The following RASGRP1 variants were observed in gnomAD, a reference collection of about 807,000 sequenced individuals.
RASGRP1 encodes the protein RAS guanyl releasing protein 1.
RASGRP1 carries 37 observed loss-of-function variants against 95.1 expected under a neutral mutation model. That is an observed-to-expected ratio of 0.39 (90% confidence interval 0.30 to 0.51). The LOEUF (loss-of-function observed/expected upper bound fraction) is 0.51. RASGRP1 is among the 20% of genes least tolerant of loss of function. The pLI is 0.80. For synonymous variants in RASGRP1, 325 were observed against 353.4 expected, an observed-to-expected ratio of 0.92 and a Z score of 0.90; for missense variants, 711 against 965.4, an observed-to-expected ratio of 0.74 and a Z score of 3.49.
chr15:38,518,753 C>T lies in RASGRP1; in HGVS notation c.390-330G>A, dbSNP rs1176990355. On this transcript the variant is annotated intron_variant, in intron 4 of 16. Transcript: ENST00000310803. ...GATAAACCAAATGTCCAAAATGAGACAATCTATTCATAGATTATGCTTTAT... is the reference window on the plus strand; with the variant it reads ...GATAAACCAAATGTCCAAAATGAGATAATCTATTCATAGATTATGCTTTAT... Among the ~76,000 whole-genome samples the T allele has an allele frequency of 1.2e-4, 19 of 152,260 alleles. No homozygotes were observed. The East Asian group carries it at 3.7e-3, about 29-fold the overall frequency.
At position 38,494,419 on chromosome 15, in the gene RASGRP1, C is replaced by T. The variant is rs201585269; in HGVS notation, c.2222G>A (p.Arg741His). The stretch of plus-strand genomic sequence containing the variant: ...TTGGTAGGTAGGCAGTCTGAGGTGA[C>T]GGAGCTCCTCCTTTGATTTTATGAG... ...DSLIKSKEEL[R>H]HLRLPTYQEL... is the part of the protein sequence containing the mutation. The change falls in exon 16 of 17, where the codon CGT (arginine) becomes CAT (histidine). Residue 741 changes from arginine to histidine, a missense_variant. Around this residue, in one of 3 missense-constraint regions of RASGRP1, gnomAD observed 212 missense variants for 247.8 expected, o/e 0.86. Coordinates refer to ENST00000310803, the MANE Select transcript of RASGRP1 (RefSeq NM_005739.4). 74 of 1,613,882 alleles carry T rather than the reference C, an allele frequency of 4.6e-5. No individual in the cohort carries two copies. Among genetic ancestry groups the T allele is most frequent in the Non-Finnish European group, 5.4e-5 (64 of 1,179,836 alleles).
intron 9 of RASGRP1, among the ~76,000 whole-genome samples, chr15:38,506,678 T>C (rs1056596764): frequency 2.0e-5 from 3 of 151,486 alleles, no homozygotes; most frequent in Non-Finnish European, 4.4e-5. Flanking sequence ...TCATGTATCT[T>C]AGAACTATAA....
intron 10 of RASGRP1, 71 bp from the exon 11 acceptor site, chr15:38,503,447 C>T: frequency 8.6e-7 from 1 of 1,157,002 alleles, no homozygotes; most frequent in Non-Finnish European, 1.3e-6. Context: ...CTTTCTTTTC[C>T]CACTACCTGA....
Position 38,517,261 on chromosome 15 carries a change from A to G in RASGRP1, c.522-911T>C, listed in dbSNP as rs1891826351. On this transcript the variant is annotated intron_variant, in intron 5 of 16. Coordinates refer to ENST00000310803, the MANE Select transcript of RASGRP1 (RefSeq NM_005739.4). ...CACAGACTAATAATTCCTACAGAAT[A>G]TAATGTGGAAAATTTTGGTCAAGAA... Among the ~76,000 whole-genome samples, 4 of 152,210 alleles carry G rather than the reference A, an allele frequency of 2.6e-5. No individual in the cohort carries two copies. The South Asian group carries it at 8.3e-4, about 32-fold the overall frequency.
Position 38,503,320 on chromosome 15 carries a change from G to A in RASGRP1, c.1380C>T (p.Pro460=), listed in dbSNP as rs1891112621. 2 of 1,612,950 alleles carry A rather than the reference G, an allele frequency of 1.2e-6. No individual in the cohort carries two copies. Among genetic ancestry groups the A allele is most frequent in the East Asian group, 4.5e-5 (2 of 44,840 alleles). The change falls in exon 11 of 17, where the codon CCC becomes CCT. Residue 460 remains proline, a synonymous_variant. Transcript: ENST00000310803. ...VVVDWASGVS[P]KPDPKTISKH... ...TGCTAATGGTTTTTGGATCAGGTTT[G>A]GGAGACACTCCAGAAGCCCAGTCCA...
intron 6 of RASGRP1, among the ~76,000 whole-genome samples, chr15:38,514,123 G>A (rs892717276): frequency 1.1e-4 from 16 of 152,136 alleles, no homozygotes; most frequent in Admixed American, 1.0e-3. Flanking sequence ...GGAGGTGGGT[G>A]GGTGGGGGGT....
chr15:38,556,416 T>C (rs1008667606), intron 2 of RASGRP1, among the ~76,000 whole-genome samples: 16 of 152,340 alleles, frequency 1.1e-4, no homozygotes, highest in Non-Finnish European at 2.4e-4. Flanking sequence ...TGGGTGGTAA[T>C]TAATGGTTAA....
intron 2 of RASGRP1, among the ~76,000 whole-genome samples, chr15:38,549,728 C>A (rs1161410026): frequency 6.6e-6 from 1 of 151,874 alleles, no homozygotes; most frequent in East Asian, 1.9e-4. Context: ...CACTGGTGTC[C>A]TTCTAAGTAC....
At chr15:38,524,629 C>T (rs1227701583) in intron 3 of RASGRP1, among the ~76,000 whole-genome samples, 1 of 152,158 alleles carries the variant, frequency 6.6e-6, no homozygotes, top group Non-Finnish European at 1.5e-5. Context: ...TGGGGGCCAA[C>T]TTCACACAGT....
chr15:38,558,071 C>A (rs1893641294), intron 2 of RASGRP1, among the ~76,000 whole-genome samples: 1 of 152,050 alleles, frequency 6.6e-6, no homozygotes, highest in Non-Finnish European at 1.5e-5. Context: ...TGTTTCTCGT[C>A]CCTCTTTTTT....
chr15:38,512,513 T>A (rs1215576221), intron 7 of RASGRP1, among the ~76,000 whole-genome samples: 2 of 152,294 alleles, frequency 1.3e-5, no homozygotes, highest in Admixed American at 6.5e-5. Context: ...TAAGCATCTT[T>A]TGAAAAATGT....
chr15:38,564,215 C>A (rs1191880814), intron 1 of RASGRP1, among the ~76,000 whole-genome samples: 5 of 152,228 alleles, frequency 3.3e-5, no homozygotes, highest in South Asian at 4.1e-4. Flanking sequence ...CGGAGCCCAG[C>A]GCCCCAGCAG....
chr15:38,557,102 C>G (rs1893588510), intron 2 of RASGRP1, among the ~76,000 whole-genome samples: 1 of 152,204 alleles, frequency 6.6e-6, no homozygotes, highest in Non-Finnish European at 1.5e-5. Flanking sequence ...AGGTAAACTT[C>G]AGGAGAAGCA....
At chr15:38,524,745 G>C (rs1892138429) in intron 3 of RASGRP1, among the ~76,000 whole-genome samples, 1 of 152,138 alleles carries the variant, frequency 6.6e-6, no homozygotes, top group Admixed American at 6.5e-5. Context: ...AGGGGAGGTA[G>C]GGTTAAGAGT....
chr15:38,529,554 T>C (rs902446707), intron 2 of RASGRP1, among the ~76,000 whole-genome samples: 1 of 152,244 alleles, frequency 6.6e-6, no homozygotes, highest in African/African-American at 2.4e-5. Context: ...TTCCTTACCC[T>C]GCCTGAGTTT....
chr15:38,517,934 T>TC (rs1891852993), intron 5 of RASGRP1, among the ~76,000 whole-genome samples: 6 of 152,228 alleles, frequency 3.9e-5, no homozygotes, highest in African/African-American at 1.4e-4. Flanking sequence ...CATTTACAAG[T>TC]TCAGGTGTGC....
At chr15:38,500,206 A>T (rs1890958258) in intron 13 of RASGRP1, 67 bp from the exon 14 acceptor site, 1 of 1,533,342 alleles carries the variant, frequency 6.5e-7, no homozygotes, top group African/African-American at 1.4e-5. Context: ...ACAAGGTGAC[A>T]TTCCTTTATT....
chr15:38,496,747 A>G (rs62003589), intron 15 of RASGRP1, among the ~76,000 whole-genome samples: 1,705 of 152,310 alleles, frequency 0.011, 20 homozygotes, highest in Non-Finnish European at 0.019. Context: ...GTAAGGGGAA[A>G]GATTTAGGAA....
chr15:38,540,366 T>C (rs1892816660), intron 2 of RASGRP1, among the ~76,000 whole-genome samples: 2 of 152,158 alleles, frequency 1.3e-5, no homozygotes, highest in Non-Finnish European at 2.9e-5. Context: ...TCAAAGCATA[T>C]AAGAACAAAC....
Sources: gnomAD v4.1 joint callset for allele counts (sites outside exome capture counted in the v4.1 genomes callset) on GRCh38, gnomAD v4.1.1 for gene constraint, gnomAD v4.1.1 regional missense constraint, MANE v1.5 for transcripts, NCBI Gene and HGNC (gene_info 2026-07-23, HGNC 2026-07-21) for gene names.